Variants in CCSER1 observed in about 807,000 individuals in gnomAD.
The protein encoded by CCSER1 is serine-rich coiled-coil domain-containing protein 1.
Under a neutral mutation model 82.0 loss-of-function variants are expected in CCSER1, and 41 were observed. That is an observed-to-expected ratio of 0.50 (90% CI 0.39 to 0.65). The LOEUF (loss-of-function observed/expected upper bound fraction) is 0.65, where lower values mean the gene tolerates loss of function less well. CCSER1 is among the 30% of genes least tolerant of loss of function. The pLI, the probability that CCSER1 is intolerant of heterozygous loss-of-function variation, is 0.00. For synonymous variants in CCSER1, 414 were observed against 383.9 expected (o/e 1.08, Z -0.92); for missense variants, 1,119 against 1,064.2 (o/e 1.05, Z -0.72).
In CCSER1 at chr4:91,170,544, G is replaced by C. The variant is rs551768624; in HGVS notation, c.2217+84550G>C. ...GTGTGAAATTTTCTTGAGGGTAATA[G>C]AACCCGATTCAAGGCAGCTCTAGGC... On this transcript the variant is annotated intron_variant, in intron 10 of 10. Coordinates refer to ENST00000509176, the MANE Select transcript of CCSER1 (RefSeq NM_001145065.2). Among the ~76,000 whole-genome samples, 24 of 152,272 alleles carry C rather than the reference G, an allele frequency of 1.6e-4. No homozygotes were observed. In the Middle Eastern group the frequency reaches 0.014, roughly 86 times the overall value.
At chr4:90,561,298 T>A (rs142858160) in intron 5 of CCSER1, among the ~76,000 whole-genome samples, 44 of 152,346 alleles carry the variant, frequency 2.9e-4, no homozygotes, top group South Asian at 8.3e-4. Flanking sequence ...CAAGACTCTG[T>A]CCAAGAATGA....
At chr4:90,270,254 C>T (rs183636341) in intron 1 of CCSER1, among the ~76,000 whole-genome samples, 93 of 152,056 alleles carry the variant, frequency 6.1e-4, no homozygotes, top group African/African-American at 1.9e-3. Flanking sequence ...AACGTTGATT[C>T]GGAAATACTC....
At chr4:90,472,791 C>T (rs748601573) in intron 5 of CCSER1, among the ~76,000 whole-genome samples, 2 of 152,024 alleles carry the variant, frequency 1.3e-5, no homozygotes, top group African/African-American at 2.4e-5. Flanking sequence ...AGTGACTGTT[C>T]ACAATAGCAG....
intron 1 of CCSER1, among the ~76,000 whole-genome samples, chr4:90,158,575 G>T (rs1180921092): frequency 6.6e-6 from 1 of 152,186 alleles, no homozygotes. Context: ...AGCAAGCCTG[G>T]GCAATGGCGG....
At chr4:91,098,545 T>A (rs1238290721) in intron 10 of CCSER1, among the ~76,000 whole-genome samples, 1 of 116,860 alleles carries the variant, frequency 8.6e-6, no homozygotes, top group Non-Finnish European at 2.1e-5. Context: ...CTGGAGATAA[T>A]TTTTTTTTTT....
intron 4 of CCSER1, among the ~76,000 whole-genome samples, chr4:90,448,005 C>T (rs990041410): frequency 2.0e-5 from 3 of 152,016 alleles, no homozygotes; most frequent in African/African-American, 7.2e-5. Context: ...ACATACTTCT[C>T]TAGATAGAAT....
chr4:90,439,541 C>T (rs1460939536), intron 4 of CCSER1, among the ~76,000 whole-genome samples: 2 of 152,146 alleles, frequency 1.3e-5, no homozygotes, highest in African/African-American at 4.8e-5. Flanking sequence ...TATTCTGAGT[C>T]TCATTCTGCT....
At chr4:90,888,363 C>T (rs945995536) in intron 8 of CCSER1, among the ~76,000 whole-genome samples, 2 of 152,028 alleles carry the variant, frequency 1.3e-5, no homozygotes, top group African/African-American at 2.4e-5. Flanking sequence ...ATCGAGTACC[C>T]TTCCTTGATT....
At chr4:90,838,332 T>G (rs192818366) in intron 8 of CCSER1, among the ~76,000 whole-genome samples, 1 of 151,792 alleles carries the variant, frequency 6.6e-6, no homozygotes, top group East Asian at 1.9e-4. Flanking sequence ...TACAATTTAA[T>G]TCAGTTGTCT....
At chr4:90,247,900 C>T (rs1033267040) in intron 1 of CCSER1, among the ~76,000 whole-genome samples, 1 of 151,880 alleles carries the variant, frequency 6.6e-6, no homozygotes, top group Non-Finnish European at 1.5e-5. Context: ...TAGAATGAAG[C>T]AATTTCCCAA....
At chr4:90,238,054 G>T (rs1021237352) in intron 1 of CCSER1, among the ~76,000 whole-genome samples, 4 of 152,158 alleles carry the variant, frequency 2.6e-5, no homozygotes, top group Admixed American at 1.3e-4. Flanking sequence ...AGAATTCTTG[G>T]GCTAGGTGCT....
intron 8 of CCSER1, among the ~76,000 whole-genome samples, chr4:90,844,468 G>A (rs1187548225): frequency 5.9e-5 from 9 of 151,984 alleles, no homozygotes; most frequent in South Asian, 2.1e-4. Context: ...CCTTCTTATT[G>A]TTCCTTGAAC....
At chr4:90,891,799 T>G (rs1723005501) in intron 8 of CCSER1, among the ~76,000 whole-genome samples, 2 of 152,058 alleles carry the variant, frequency 1.3e-5, no homozygotes, top group Non-Finnish European at 2.9e-5. Flanking sequence ...TCACTCCTAT[T>G]TTGCAAGGTA....
At chr4:91,314,891 T>C (rs1414554084) in intron 10 of CCSER1, among the ~76,000 whole-genome samples, 1 of 151,906 alleles carries the variant, frequency 6.6e-6, no homozygotes, top group Non-Finnish European at 1.5e-5. Context: ...ATGATTCAAA[T>C]ACAAGTAAGT....
At chr4:90,687,251 A>C (rs1734978483) in intron 6 of CCSER1, among the ~76,000 whole-genome samples, 1 of 152,122 alleles carries the variant, frequency 6.6e-6, no homozygotes. Context: ...TGCAACTCAA[A>C]GAGAAAGCTT....
At chr4:90,666,372 A>C (rs4693245) in intron 6 of CCSER1, among the ~76,000 whole-genome samples, 1 of 151,972 alleles carries the variant, frequency 6.6e-6, no homozygotes, top group East Asian at 1.9e-4. Context: ...TCTGCCTACC[A>C]TGGTGGTTGA....
Position 90,131,354 on chromosome 4 carries a change from G to T in CCSER1, c.-42+3523G>T, listed in dbSNP as rs191040060. Among the ~76,000 whole-genome samples, 6 of 152,304 alleles carry T rather than the reference G, an allele frequency of 3.9e-5. No individual in the cohort carries two copies. The East Asian group carries it at 1.2e-3, about 29-fold the overall frequency. On this transcript the variant is annotated intron_variant, in intron 1 of 10. Transcript: ENST00000509176. ...CTTGTATTACTACAGTAGTGCAATAGAGTTCTTGTAGAGAATATGTACTTT... is the reference window on the plus strand; with the variant it reads ...CTTGTATTACTACAGTAGTGCAATATAGTTCTTGTAGAGAATATGTACTTT...
chr4:90,687,313 T>C (rs755261568), intron 6 of CCSER1, among the ~76,000 whole-genome samples: 7 of 152,190 alleles, frequency 4.6e-5, no homozygotes, highest in Non-Finnish European at 8.8e-5. Flanking sequence ...ACTCTGCATC[T>C]CATTTGCTCA....
chr4:90,131,025 T>G (rs1226150714), intron 1 of CCSER1, among the ~76,000 whole-genome samples: 1 of 151,906 alleles, frequency 6.6e-6, no homozygotes, highest in Non-Finnish European at 1.5e-5. Context: ...GAGATGGAGT[T>G]TCGTTCTTGT....
Sources: allele counts gnomAD v4.1 joint callset (sites outside exome capture counted in the v4.1 genomes callset), GRCh38; gene constraint gnomAD v4.1.1; transcripts MANE v1.5; gene names NCBI Gene and HGNC (gene_info 2026-07-23, HGNC 2026-07-21).